The following ARMC2 variants were observed in gnomAD, a reference collection of about 807,000 sequenced individuals.
ARMC2 encodes armadillo repeat containing 2.
A neutral mutation model predicts 90.3 loss-of-function variants in ARMC2; 67 were observed. The observed-to-expected ratio is 0.74, with a 90% confidence interval of 0.61 to 0.91. The LOEUF is 0.91. Among genes scored for constraint, ARMC2 ranks in the 40% least tolerant of loss-of-function variants. The pLI, the probability that ARMC2 is intolerant of heterozygous loss-of-function variation, is 0.00. For missense variants in ARMC2, 920 were observed against 1,030.9 expected, an observed-to-expected ratio of 0.89 and a Z score of 1.47; for synonymous variants, 393 against 393.0, an observed-to-expected ratio of 1.00 and a Z score of 0.00.
At chr6:109,009,137 G>C in the ARMC2 span, 1 of 690,994 alleles carries the variant, frequency 1.4e-6, no homozygotes, top group African/African-American at 1.9e-5. Context: ...GACTCACGGT[G>C]CGCAGGTCTC....
At position 108,910,770 on chromosome 6, in the gene ARMC2, G is replaced by T. The variant is rs1039706684; in HGVS notation, c.1024-129G>T. The stretch of plus-strand genomic sequence containing the variant: ...TATGTGGTCTAAATTTTTCAAAGTT[G>T]ATTTCTTTAGAACTTTTTCATGTTT... On this transcript the variant is annotated intron_variant, in intron 8 of 17. Transcript: ENST00000392644. 12 of 438,386 alleles carry T rather than the reference G, an allele frequency of 2.7e-5. No homozygotes were observed. The Admixed American group carries it at 4.5e-4, about 17-fold the overall frequency. 27.2% of individuals were successfully genotyped at this position (438,386 alleles called of 1,614,324 possible). A position where few individuals can be genotyped will look rare whatever the true frequency, so the allele number is the denominator to read the frequency against.
chr6:108,879,487 C>T (rs558249909), intron 5 of ARMC2, among the ~76,000 whole-genome samples: 4 of 152,074 alleles, frequency 2.6e-5, no homozygotes, highest in Non-Finnish European at 4.4e-5. Flanking sequence ...TCCATTCATC[C>T]ATCTATTCAT....
intron 13 of ARMC2, among the ~76,000 whole-genome samples, chr6:108,956,863 G>A (rs1437619695): frequency 5.9e-5 from 9 of 152,000 alleles, no homozygotes; most frequent in Admixed American, 3.3e-4. Flanking sequence ...ATGGTGGCAC[G>A]TGCCTGTAGT....
chr6:108,921,931 A>T (rs116670877), intron 10 of ARMC2, among the ~76,000 whole-genome samples: 1,549 of 152,304 alleles, frequency 0.01, 26 homozygotes, highest in African/African-American at 0.035. Context: ...TAGGGAGGCA[A>T]TAGACCAAGA....
the ARMC2 span, chr6:109,009,421 G>A: frequency 1.4e-6 from 2 of 1,452,756 alleles, no homozygotes; most frequent in African/African-American, 1.5e-5. Context: ...ACCGCCAAAG[G>A]GGCCGTGTAC....
chr6:108,958,795 G>T (rs1225141871), intron 13 of ARMC2, among the ~76,000 whole-genome samples: 5 of 152,208 alleles, frequency 3.3e-5, no homozygotes, highest in African/African-American at 9.6e-5. Context: ...TTAAGCCCTT[G>T]AATGCATTTA....
chr6:108,907,735 G>A, intron 8 of ARMC2: 1 of 1,610,064 alleles, frequency 6.2e-7, no homozygotes, highest in Non-Finnish European at 8.5e-7. Context: ...TGATGTACTT[G>A]TAGTACCAGT....
At position 108,940,355 on chromosome 6, in the gene ARMC2, G is replaced by A. The variant is rs143978198; in HGVS notation, c.1596+3356G>A. The stretch of plus-strand genomic sequence containing the variant: ...AGAGGAGAACAGCTCTCTCTCCTGC[G>A]CGTGAGAGAGGCACCCAAGTGGAAC... On this transcript the variant is annotated intron_variant, in intron 12 of 17. Coordinates refer to ENST00000392644, the MANE Select transcript of ARMC2 (RefSeq NM_032131.6). Among the ~76,000 whole-genome samples, 1,495 of 152,292 alleles carry A rather than the reference G, an allele frequency of 9.8e-3. 18 individuals are homozygous for A. Among genetic ancestry groups the A allele is most frequent in the Non-Finnish European group, 0.014 (979 of 68,030 alleles).
intron 10 of ARMC2, among the ~76,000 whole-genome samples, chr6:108,917,119 G>C (rs1265534880): frequency 6.6e-6 from 1 of 152,088 alleles, no homozygotes; most frequent in Non-Finnish European, 1.5e-5. Context: ...TTTACAGCCT[G>C]ACCCAGTTGA....
chr6:108,881,535 T>C (rs981395427), intron 5 of ARMC2, among the ~76,000 whole-genome samples: 4 of 152,156 alleles, frequency 2.6e-5, no homozygotes, highest in Admixed American at 1.3e-4. Context: ...CAGAAAGATG[T>C]ACTCAATATT....
At chr6:109,042,793 A>C in the ARMC2 span, among the ~76,000 whole-genome samples, 6 of 152,038 alleles carry the variant, frequency 3.9e-5, no homozygotes, top group African/African-American at 1.4e-4. Context: ...TAAAGAATTA[A>C]CTCCAATTTT....
At chr6:109,025,802 G>A in the ARMC2 span, among the ~76,000 whole-genome samples, 1 of 151,926 alleles carries the variant, frequency 6.6e-6, no homozygotes, top group Non-Finnish European at 1.5e-5. Flanking sequence ...TGAAATTTAT[G>A]AGAGAGAAAA....
At chr6:108,962,197 T>C (rs1778048771) in intron 15 of ARMC2, 70 bp downstream of exon 15, 1 of 1,221,154 alleles carries the variant, frequency 8.2e-7, no homozygotes, top group East Asian at 2.5e-5. Context: ...GTTTTGCAGC[T>C]TGAGTCATTA....
intron 2 of ARMC2, among the ~76,000 whole-genome samples, 192 bp downstream of exon 2, chr6:108,854,677 A>G (rs1774355502): frequency 6.6e-6 from 1 of 152,136 alleles, no homozygotes; most frequent in Non-Finnish European, 1.5e-5. Flanking sequence ...GCAGCATCTC[A>G]TTATGACCAT....
the ARMC2 span, among the ~76,000 whole-genome samples, chr6:109,019,848 T>C: frequency 2.0e-5 from 3 of 152,218 alleles, no homozygotes; most frequent in Non-Finnish European, 4.4e-5. Flanking sequence ...AAGTATTCAA[T>C]TAGATTTTAA....
chr6:109,002,293 G>C, the ARMC2 span: 4 of 1,613,320 alleles, frequency 2.5e-6, no homozygotes, highest in East Asian at 2.2e-5. Context: ...TTTCTGGGAT[G>C]AATCTGCTTG....
At chr6:108,909,274 C>A (rs377175781) in intron 8 of ARMC2, among the ~76,000 whole-genome samples, 1 of 151,886 alleles carries the variant, frequency 6.6e-6, no homozygotes, top group African/African-American at 2.4e-5. Flanking sequence ...ACATAATGTT[C>A]ACAGTTATGC....
the ARMC2 span, among the ~76,000 whole-genome samples, chr6:109,038,404 A>G: frequency 6.6e-6 from 1 of 152,228 alleles, no homozygotes. Flanking sequence ...AGGCAGGAGA[A>G]TTGCTTGAAC....
At chr6:108,981,848 G>A in the ARMC2 span, among the ~76,000 whole-genome samples, 3 of 151,892 alleles carry the variant, frequency 2.0e-5, no homozygotes, top group Non-Finnish European at 4.4e-5. Flanking sequence ...TGTATTTTTA[G>A]TAGAGATGGG....
Sources: allele counts gnomAD v4.1 joint callset (sites outside exome capture counted in the v4.1 genomes callset), GRCh38; gene constraint gnomAD v4.1.1; transcripts MANE v1.5; gene names NCBI Gene and HGNC (gene_info 2026-07-23, HGNC 2026-07-21).